The following MACROD2 variants were observed in gnomAD, a reference collection of about 807,000 sequenced individuals.
The protein encoded by MACROD2 is mono-ADP ribosylhydrolase 2.
MACROD2 carries 36 observed loss-of-function variants against 70.4 expected under a neutral mutation model. That is an observed-to-expected ratio of 0.51 (90% CI 0.39 to 0.68). MACROD2 has a LOEUF of 0.68. Among genes scored for constraint, MACROD2 ranks in the 30% least tolerant of loss-of-function variants. The probability of loss-of-function intolerance (pLI) is 0.00; values close to 1 mark genes in which losing one functional copy is unlikely to be tolerated. For synonymous variants in MACROD2, 172 were observed against 178.8 expected, an observed-to-expected ratio of 0.96 and a Z score of 0.30; for missense variants, 496 against 538.4, an observed-to-expected ratio of 0.92 and a Z score of 0.78.
chr20:14,875,702 G>A (rs1425602320), intron 5 of MACROD2, among the ~76,000 whole-genome samples: 1 of 151,922 alleles, frequency 6.6e-6, no homozygotes, highest in Non-Finnish European at 1.5e-5. Flanking sequence ...TGTGCCCAGT[G>A]TTTGGCTCAC....
At chr20:15,621,701 T>G (rs923355116) in intron 8 of MACROD2, among the ~76,000 whole-genome samples, 8 of 152,200 alleles carry the variant, frequency 5.3e-5, no homozygotes, top group African/African-American at 1.7e-4. Context: ...TAGTGCTGTT[T>G]TGGACTCAGC....
intron 2 of MACROD2, among the ~76,000 whole-genome samples, chr20:14,034,097 G>A (rs1325546611): frequency 2.0e-5 from 3 of 151,900 alleles, no homozygotes; most frequent in Admixed American, 2.0e-4. Flanking sequence ...TCAGCCTCCC[G>A]ACTAGTTGGG....
At chr20:15,774,120 T>G (rs1455104218) in intron 8 of MACROD2, among the ~76,000 whole-genome samples, 2 of 152,162 alleles carry the variant, frequency 1.3e-5, no homozygotes, top group East Asian at 3.9e-4. Flanking sequence ...ATTCTGCCAT[T>G]TCTCTTTTCT....
intron 5 of MACROD2, among the ~76,000 whole-genome samples, chr20:15,065,114 T>G (rs892854450): frequency 6.6e-6 from 1 of 152,210 alleles, no homozygotes; most frequent in Non-Finnish European, 1.5e-5. Context: ...TAATTTAGTT[T>G]CAGGCAGAAC....
intron 2 of MACROD2, among the ~76,000 whole-genome samples, chr20:14,024,421 A>G (rs1424898675): frequency 6.6e-6 from 1 of 152,190 alleles, no homozygotes; most frequent in Non-Finnish European, 1.5e-5. Flanking sequence ...AACTTTCAAT[A>G]CTATGTTGAA....
chr20:14,217,634 G>T (rs1173966602), intron 3 of MACROD2, among the ~76,000 whole-genome samples: 1 of 152,030 alleles, frequency 6.6e-6, no homozygotes, highest in Non-Finnish European at 1.5e-5. Context: ...AATCCGTCTG[G>T]TCCTGAACTT....
chr20:14,273,327 A>G (rs1238650869), intron 3 of MACROD2, among the ~76,000 whole-genome samples: 1 of 151,900 alleles, frequency 6.6e-6, no homozygotes, highest in Admixed American at 6.6e-5. Flanking sequence ...ACTAGAACTC[A>G]GGATTAAGAA....
intron 4 of MACROD2, among the ~76,000 whole-genome samples, chr20:14,578,352 C>T (rs1053211399): frequency 6.6e-6 from 1 of 151,954 alleles, no homozygotes; most frequent in Non-Finnish European, 1.5e-5. Flanking sequence ...GATATACTTT[C>T]AGTGAAGAGA....
intron 7 of MACROD2, among the ~76,000 whole-genome samples, chr20:15,489,469 GT>G (rs991194007): frequency 2.6e-5 from 4 of 152,170 alleles, no homozygotes; most frequent in African/African-American, 9.7e-5. Context: ...AAATGTTCAA[GT>G]GTAATTGAGC....
At chr20:14,997,141 C>G (rs1355422330) in intron 5 of MACROD2, among the ~76,000 whole-genome samples, 1 of 152,066 alleles carries the variant, frequency 6.6e-6, no homozygotes. Flanking sequence ...AGACTCCTTT[C>G]CCTTGTGGAA....
chr20:15,308,960 A>T (rs966229980), intron 6 of MACROD2, among the ~76,000 whole-genome samples: 1 of 152,106 alleles, frequency 6.6e-6, no homozygotes. Flanking sequence ...TCTTTAACTC[A>T]TGAGCAGCTT....
chr20:15,736,244 A>G (rs979736169), intron 8 of MACROD2, among the ~76,000 whole-genome samples: 2 of 152,212 alleles, frequency 1.3e-5, no homozygotes, highest in African/African-American at 4.8e-5. Flanking sequence ...ACCCACATCC[A>G]CACTCCAACA....
At chr20:15,653,287 C>A (rs1283968231) in intron 8 of MACROD2, among the ~76,000 whole-genome samples, 1 of 152,102 alleles carries the variant, frequency 6.6e-6, no homozygotes, top group African/African-American at 2.4e-5. Context: ...TTCATGACAT[C>A]GTGGATGATA....
intron 8 of MACROD2, among the ~76,000 whole-genome samples, chr20:15,685,530 CT>C (rs2050214375): frequency 6.6e-6 from 1 of 152,152 alleles, no homozygotes; most frequent in South Asian, 2.1e-4. Flanking sequence ...ATGGAGAAGT[CT>C]TTACTTGAAT....
chr20:14,374,631 G>A (rs1383887013), intron 3 of MACROD2, among the ~76,000 whole-genome samples: 3 of 152,044 alleles, frequency 2.0e-5, no homozygotes, highest in Non-Finnish European at 4.4e-5. Flanking sequence ...TTGGGCTGTG[G>A]CATCAGCAAT....
At chr20:15,733,121 A>G (rs1308452547) in intron 8 of MACROD2, among the ~76,000 whole-genome samples, 1 of 152,092 alleles carries the variant, frequency 6.6e-6, no homozygotes, top group Non-Finnish European at 1.5e-5. Flanking sequence ...CCTTTCATCT[A>G]AGTTGTCAAA....
chr20:15,955,211 T>A (rs1479396027), intron 12 of MACROD2, among the ~76,000 whole-genome samples: 1 of 152,122 alleles, frequency 6.6e-6, no homozygotes, highest in African/African-American at 2.4e-5. Flanking sequence ...CTATTTTAGG[T>A]ACAATGAATA....
At chr20:14,479,921 G>A (rs968004754) in intron 3 of MACROD2, among the ~76,000 whole-genome samples, 4 of 152,036 alleles carry the variant, frequency 2.6e-5, no homozygotes, top group Non-Finnish European at 5.9e-5. Flanking sequence ...TTATCACCCA[G>A]GATGGAGTTC....
Position 14,334,405 on chromosome 20 carries a change from T to C in MACROD2, c.272-159074T>C, listed in dbSNP as rs570607655. 2.9e-3 allele frequency among the ~76,000 whole-genome samples: 432 copies of C among 149,716 alleles called. 3 individuals are homozygous for C. The highest frequency in any genetic ancestry group is 4.9e-3 in the Non-Finnish European group (325 of 66,214). ...GTTGACTTTCAGTAAATTTTTGAAA[T>C]GGTGGAATGTTAGAAGGAGCTGAGA... On this transcript the variant is annotated intron_variant, in intron 3 of 17. Transcript: ENST00000684519.
Sources: allele counts gnomAD v4.1 joint callset (sites outside exome capture counted in the v4.1 genomes callset), GRCh38; gene constraint gnomAD v4.1.1; transcripts MANE v1.5; gene names NCBI Gene and HGNC (gene_info 2026-07-23, HGNC 2026-07-21).